ZNF423: variants seen among roughly 807,000 people sequenced by gnomAD.
ZNF423 encodes Ebf-associated zinc finger protein.
ZNF423 carries 12 observed loss-of-function variants against 95.8 expected under a neutral mutation model. The observed-to-expected ratio is 0.13, with a 90% confidence interval of 0.08 to 0.20. ZNF423 has a LOEUF of 0.20. Ranked by LOEUF, ZNF423 falls within the 10% of genes least tolerant of loss-of-function variation. ZNF423 has a pLI of 1.00. For missense variants in ZNF423, 1,316 were observed against 1,737.1 expected (o/e 0.76, Z 4.31); for synonymous variants, 749 against 711.9 (o/e 1.05, Z -0.83).
At chr16:49,841,809 G>A (rs914735358) in intron 1 of ZNF423, among the ~76,000 whole-genome samples, 1 of 152,222 alleles carries the variant, frequency 6.6e-6, no homozygotes, top group Non-Finnish European at 1.5e-5. Context: ...AGCCTCACCT[G>A]AGTCAGATGC....
intron 3 of ZNF423, among the ~76,000 whole-genome samples, chr16:49,646,855 A>G (rs1973193573): frequency 6.6e-6 from 1 of 152,140 alleles, no homozygotes; most frequent in Admixed American, 6.5e-5. Flanking sequence ...CACAGGCGTG[A>G]GCCACCACGC....
intron 1 of ZNF423, among the ~76,000 whole-genome samples, chr16:49,796,299 C>G (rs535119805): frequency 1.4e-4 from 21 of 152,270 alleles, no homozygotes; most frequent in African/African-American, 5.1e-4. Flanking sequence ...TTTCAGATAT[C>G]CAGTGGCACA....
intron 2 of ZNF423, among the ~76,000 whole-genome samples, chr16:49,759,709 C>T (rs1251493678): frequency 6.6e-6 from 1 of 152,188 alleles, no homozygotes; most frequent in African/African-American, 2.4e-5. Context: ...GAGTTAAGAT[C>T]CCAAAACTCT....
rs557557895 is a variant in ZNF423, at chr16:49,589,287, T to C, written c.3601+36883A>G. Among the ~76,000 whole-genome samples the C allele has an allele frequency of 1.7e-3, 264 of 152,264 alleles. 1 individual carries two copies. Among genetic ancestry groups the C allele is most frequent in the African/African-American group, 6.0e-3 (248 of 41,540 alleles). ...TCAGACAAAGAGATAAGACAAAAGG[T>C]AGGAACTCTTGAGCCATCCATCTGC... On this transcript the variant is annotated intron_variant, in intron 5 of 7. Transcript: ENST00000563137.
intron 7 of ZNF423, among the ~76,000 whole-genome samples, chr16:49,503,282 C>T (rs1967502568): frequency 1.3e-5 from 2 of 152,170 alleles, no homozygotes; most frequent in South Asian, 4.1e-4. Flanking sequence ...GAGAAAACAA[C>T]GTGAAGCACA....
At chr16:49,714,619 C>A in intron 3 of ZNF423, among the ~76,000 whole-genome samples, 2 of 116,100 alleles carry the variant, frequency 1.7e-5, no homozygotes, top group African/African-American at 3.7e-5. Context: ...GCACTCCAGC[C>A]TGGGAGAAAA....
At chr16:49,581,354 G>A (rs868174066) in intron 5 of ZNF423, among the ~76,000 whole-genome samples, 2 of 152,066 alleles carry the variant, frequency 1.3e-5, no homozygotes, top group African/African-American at 4.8e-5. Flanking sequence ...TCGTCAGTAG[G>A]GATTATCATT....
At chr16:49,578,159 C>A (rs1970556450) in intron 5 of ZNF423, among the ~76,000 whole-genome samples, 1 of 152,154 alleles carries the variant, frequency 6.6e-6, no homozygotes, top group African/African-American at 2.4e-5. Flanking sequence ...AGTAAACATC[C>A]CCCAAGACAG....
At chr16:49,682,983 G>A (rs938010350) in intron 3 of ZNF423, among the ~76,000 whole-genome samples, 1 of 152,202 alleles carries the variant, frequency 6.6e-6, no homozygotes, top group Non-Finnish European at 1.5e-5. Context: ...CCTCAGGGCT[G>A]AGGGAGCCGC....
In ZNF423 at chr16:49,706,153, T is replaced by A. The variant is rs1288449084; in HGVS notation, c.301+24618A>T. 2.6e-5 allele frequency among the ~76,000 whole-genome samples: 4 copies of A among 152,190 alleles called. No homozygotes were observed. The East Asian group carries it at 7.7e-4, about 29-fold the overall frequency. On this transcript the variant is annotated intron_variant, in intron 3 of 7. Coordinates refer to ENST00000563137, the MANE Select transcript of ZNF423 (RefSeq NM_001379286.1). ...AAATAGGGCCAGACATGACCACAAA[T>A]GGCCACCCTAGGAAAAAAAATGAAT... is the stretch of plus-strand genomic sequence containing the variant.
chr16:49,813,709 C>T (rs1229263862), intron 1 of ZNF423, among the ~76,000 whole-genome samples: 1 of 152,236 alleles, frequency 6.6e-6, no homozygotes, highest in Non-Finnish European at 1.5e-5. Flanking sequence ...CTGTTAAAGT[C>T]TCTTTTGGCT....
At chr16:49,547,097 C>T (rs2151747291) in intron 5 of ZNF423, among the ~76,000 whole-genome samples, 1 of 151,854 alleles carries the variant, frequency 6.6e-6, no homozygotes, top group East Asian at 1.9e-4. Flanking sequence ...TCAACAAAGA[C>T]CTGTGTATTA....
intron 5 of ZNF423, among the ~76,000 whole-genome samples, chr16:49,530,464 CACAG>C (rs1480297847): frequency 6.6e-6 from 1 of 152,196 alleles, no homozygotes; most frequent in Non-Finnish European, 1.5e-5. Flanking sequence ...CCCTCCGGCA[CACAG>C]ACAGAGTAAC....
At position 49,842,366 on chromosome 16, in the gene ZNF423, CAGGAAGGA is replaced by C. The variant is rs779305459; in HGVS notation, c.40+13361_40+13368del. Among the ~76,000 whole-genome samples, 253 of 65,102 alleles carry C rather than the reference CAGGAAGGA, an allele frequency of 3.9e-3. 1 individual carries two copies. The highest frequency in any genetic ancestry group is 5.6e-3 in the Non-Finnish European group (207 of 36,786). The allele number at this position is 65,102 out of a possible 152,430, so 42.7% of individuals were successfully genotyped here. A position where few individuals can be genotyped will look rare whatever the true frequency, so the allele number is the denominator to read the frequency against. On this transcript the variant is annotated intron_variant, in intron 1 of 7. Coordinates refer to ENST00000563137, the MANE Select transcript of ZNF423 (RefSeq NM_001379286.1). ...GGGAAGGGAAGGGAAGGGAGAGAGA[CAGGAAGGA>C]AGGAAGGAAGGAAGGAAGGAAGGAA...
chr16:49,683,653 C>T (rs2031454277), intron 3 of ZNF423, among the ~76,000 whole-genome samples: 1 of 152,174 alleles, frequency 6.6e-6, no homozygotes, highest in Non-Finnish European at 1.5e-5. Context: ...AGAGGGGCCC[C>T]CTGGGTGATT....
At chr16:49,812,989 G>T (rs960864268) in intron 1 of ZNF423, among the ~76,000 whole-genome samples, 25 of 152,098 alleles carry the variant, frequency 1.6e-4, no homozygotes, top group African/African-American at 5.8e-4. Flanking sequence ...GTGTGTGTGT[G>T]TTCTACTTAA....
At chr16:49,581,495 A>G (rs1970673474) in intron 5 of ZNF423, among the ~76,000 whole-genome samples, 1 of 152,238 alleles carries the variant, frequency 6.6e-6, no homozygotes, top group Non-Finnish European at 1.5e-5. Flanking sequence ...GAGGAAAGTT[A>G]TAGGCATTAA....
chr16:49,832,414 T>G (rs1208723609), intron 1 of ZNF423, among the ~76,000 whole-genome samples: 1 of 152,072 alleles, frequency 6.6e-6, no homozygotes, highest in Non-Finnish European at 1.5e-5. Context: ...GGAATGAGGG[T>G]GTGACCTCGC....
intron 5 of ZNF423, among the ~76,000 whole-genome samples, chr16:49,567,616 G>T (rs1003119333): frequency 6.6e-6 from 1 of 152,176 alleles, no homozygotes; most frequent in Non-Finnish European, 1.5e-5. Context: ...CACTCACCAG[G>T]GAAAAGGGAA....
Sources: gnomAD v4.1 joint callset for allele counts (sites outside exome capture counted in the v4.1 genomes callset) on GRCh38, gnomAD v4.1.1 for gene constraint, MANE v1.5 for transcripts, NCBI Gene and HGNC (gene_info 2026-07-23, HGNC 2026-07-21) for gene names.